The following CCDC180 variants were observed in gnomAD, a reference collection of about 807,000 sequenced individuals.
CCDC180 encodes the protein coiled-coil domain-containing protein 180.
In CCDC180, 154 loss-of-function variants were observed where a neutral mutation model predicts 209.2. The observed-to-expected ratio is 0.74, with a 90% CI of 0.65 to 0.84. The LOEUF is 0.84. Ranked by LOEUF, CCDC180 falls within the 40% of genes least tolerant of loss-of-function variation. The pLI, the probability that CCDC180 is intolerant of heterozygous loss-of-function variation, is 0.00. For missense variants in CCDC180, 1,874 were observed against 1,997.3 expected (o/e 0.94, Z 1.18); for synonymous variants, 778 against 749.1 (o/e 1.04, Z -0.63).
rs1011535267 is a variant in CCDC180, at chr9:97,350,303, C to T, written c.2856-106C>T. ...TCCCCAGGCTGGTCATTATCGTGAC[C>T]GGCCCCTCCCTTGTCCCTCAGGCTG... On this transcript the variant is annotated intron_variant, in intron 21 of 36. Transcript: ENST00000529487. The T allele has an allele frequency of 3.2e-5, 36 of 1,124,024 alleles. No individual in the cohort carries two copies. The African/African-American group carries it at 4.0e-4, about 13-fold the overall frequency. The allele number at this position is 1,124,024 out of a possible 1,614,324, so 69.6% of individuals were successfully genotyped here. A position where few individuals can be genotyped will look rare whatever the true frequency, so the allele number is the denominator to read the frequency against.
At position 97,343,415 on chromosome 9, in the gene CCDC180, A is replaced by G; in HGVS notation, c.2350A>G (p.Thr784Ala). The change falls in exon 19 of 37, where the codon ACT becomes GCT. Residue 784 changes from threonine (T) to alanine (A), a missense_variant. Coordinates refer to ENST00000529487, the MANE Select transcript of CCDC180 (RefSeq NM_020893.6). ...MESFTISSGN[T>A]YFVFVPLEEE... ...GTCCTTCACAATCTCCAGTGGAAAC[A>G]CTTATTTTGTCTTTGTACCCCTGGA... 1 of 1,614,044 alleles carries G rather than the reference A, an allele frequency of 6.2e-7. No individual in the cohort carries two copies. The highest frequency in any genetic ancestry group is 8.5e-7 in the Non-Finnish European group (1 of 1,179,868).
chr9:97,323,807 C>T lies in CCDC180; in HGVS notation c.1275C>T (p.Phe425=). Reference sequence around the variant, plus strand: ...AGCAGCTGCTGGACTGGAAAGCCTTCACTGAGGAGGAGGCAGAGACCCTGG... The same window carrying T: ...AGCAGCTGCTGGACTGGAAAGCCTTTACTGAGGAGGAGGCAGAGACCCTGG... ...CKKQLLDWKA[F]TEEEAETLVN... Residue 425 remains phenylalanine (F), a synonymous_variant, in exon 13 of 37, where the codon TTC becomes TTT. Coordinates refer to ENST00000529487, the MANE Select transcript of CCDC180 (RefSeq NM_020893.6). 1 of 1,558,468 alleles carries T rather than the reference C, an allele frequency of 6.4e-7. No homozygotes were observed. The highest frequency in any genetic ancestry group is 1.4e-5 in the African/African-American group (1 of 73,586).
chr9:97,309,680 C>G lies in CCDC180; in HGVS notation c.260+76C>G. 3 of 1,216,690 alleles carry G rather than the reference C, an allele frequency of 2.5e-6. No individual in the cohort carries two copies. The South Asian group carries it at 5.2e-5, about 21-fold the overall frequency. The allele number at this position is 1,216,690 out of a possible 1,614,324, so 75.4% of individuals were successfully genotyped here. On this transcript the variant is annotated intron_variant, in intron 3 of 36. Coordinates refer to ENST00000529487, the MANE Select transcript of CCDC180 (RefSeq NM_020893.6). ...TTCAAAAACTCAAAAAGAGCCAGCA[C>G]AAGATGAGTAGCCTGTAGGAATGAA... is the stretch of plus-strand genomic sequence containing the variant.
rs995910758 is a variant in CCDC180, at chr9:97,349,155, G to T, written c.2719G>T (p.Gly907Trp). The change falls in exon 21 of 37, where the codon GGG (glycine) becomes TGG (tryptophan). Residue 907 changes from glycine (G) to tryptophan (W), a missense_variant. Transcript: ENST00000529487. ...AGAGCAGTTGGACAGCCACTGTGCT[G>T]GGGTGACCGAGACGCTGAAGAAGAA... is the stretch of plus-strand genomic sequence containing the variant. Reference protein sequence around the residue: ...HQEQLDSHCAGVTETLKKKRL... With the variant: ...HQEQLDSHCAWVTETLKKKRL... 1 of 1,536,268 alleles carries T rather than the reference G, an allele frequency of 6.5e-7. No homozygotes were observed. The highest frequency in any genetic ancestry group is 2.0e-5 in the Admixed American group (1 of 51,004).
chr9:97,325,002 G>A lies in CCDC180; in HGVS notation c.1372-17G>A, dbSNP rs1380229410. 1 of 1,610,246 alleles carries A rather than the reference G, an allele frequency of 6.2e-7. No individual in the cohort carries two copies. The highest frequency in any genetic ancestry group is 1.1e-5 in the South Asian group (1 of 90,264). On this transcript the variant is annotated splice_polypyrimidine_tract_variant and intron_variant, in intron 13 of 36. Transcript: ENST00000529487. ...CTGTCAGCCCTTAAGTCCCTTCTCT[G>A]GGCTCTGCCACTGCAGAAATCCTTC...
chr9:97,324,302 C>A (rs1057497929), intron 13 of CCDC180, among the ~76,000 whole-genome samples: 3 of 152,216 alleles, frequency 2.0e-5, no homozygotes, highest in African/African-American at 7.2e-5. Flanking sequence ...TCTGACGCAC[C>A]TTGTCAGCTC....
Position 97,366,427 on chromosome 9 carries a change from G to T in CCDC180, c.4048-132G>T. 2 of 886,668 alleles carry T rather than the reference G, an allele frequency of 2.3e-6. No homozygotes were observed. The highest frequency in any genetic ancestry group is 3.4e-6 in the Non-Finnish European group (2 of 586,204). 54.9% of individuals were successfully genotyped at this position (886,668 alleles called of 1,614,324 possible). On this transcript the variant is annotated intron_variant, in intron 30 of 36. Coordinates refer to ENST00000529487, the MANE Select transcript of CCDC180 (RefSeq NM_020893.6). The surrounding 1 kb of genome is among the most constrained non-coding windows in gnomAD (Gnocchi z 4.3). The stretch of plus-strand genomic sequence containing the variant: ...GACAGGGAAGGAGGAGTGTCTGCTC[G>T]TGTCACTTCCACAGGGGATGCCACG...
intron 22 of CCDC180, among the ~76,000 whole-genome samples, chr9:97,353,542 T>C (rs926277889): frequency 6.6e-6 from 1 of 152,192 alleles, no homozygotes; most frequent in Non-Finnish European, 1.5e-5. Flanking sequence ...TCATTTTCCT[T>C]GGGACTTTAT....
At chr9:97,321,878 G>A (rs556792489) in intron 11 of CCDC180, among the ~76,000 whole-genome samples, 3 of 152,306 alleles carry the variant, frequency 2.0e-5, no homozygotes, top group Admixed American at 6.5e-5. Context: ...ACAGTGTACA[G>A]GGCCCCGGAG....
intron 18 of CCDC180, among the ~76,000 whole-genome samples, chr9:97,334,665 AT>A (rs576943303): frequency 6.6e-6 from 1 of 152,066 alleles, no homozygotes; most frequent in African/African-American, 2.4e-5. Context: ...TATATAGGCT[AT>A]TTTTTCCCAC....
chr9:97,361,763 T>A lies in CCDC180; in HGVS notation c.3521T>A (p.Ile1174Asn), dbSNP rs757966532. The A allele has an allele frequency of 6.2e-7, 1 of 1,614,118 alleles. No homozygotes were observed. ...ILKDQEEDSD[I>N]LTSSEALEEE... ...AAGGACCAGGAGGAAGACAGTGACATCCTGACATCTTCAGAAGCCCTTGAA... is the reference window on the plus strand; with the variant it reads ...AAGGACCAGGAGGAAGACAGTGACAACCTGACATCTTCAGAAGCCCTTGAA... Residue 1174 changes from isoleucine to asparagine, a missense_variant, in exon 27 of 37, where the codon ATC (isoleucine) becomes AAC (asparagine). By Grantham distance (149) the Ile-to-Asn change is moderately radical. Coordinates refer to ENST00000529487, the MANE Select transcript of CCDC180 (RefSeq NM_020893.6).
Position 97,377,115 on chromosome 9 carries a change from T to C in CCDC180, c.*221T>C, listed in dbSNP as rs1177138041. On this transcript the variant is annotated 3_prime_UTR_variant, in exon 37 of 37. Transcript: ENST00000529487. ...GCAAGCATGAAAGGGGAATTCCACG[T>C]GGTTAGCAGGGAGGGTGAGTACCAG... The C allele has an allele frequency of 2.6e-6, 1 of 380,540 alleles. No homozygotes were observed. The highest frequency in any genetic ancestry group is 4.7e-6 in the Non-Finnish European group (1 of 212,616). The allele number at this position is 380,540 out of a possible 1,614,324, so 23.6% of individuals were successfully genotyped here. A position where few individuals can be genotyped will look rare whatever the true frequency, so the allele number is the denominator to read the frequency against.
intron 18 of CCDC180, among the ~76,000 whole-genome samples, chr9:97,340,586 A>G (rs1473667247): frequency 1.3e-5 from 2 of 152,226 alleles, no homozygotes; most frequent in African/African-American, 4.8e-5. Context: ...ACCAGGCCAT[A>G]CAGAGATAGG....
In CCDC180 at chr9:97,350,499, G is replaced by A; in HGVS notation, c.2946G>A (p.Leu982=). ...QVSLRSFRQY[L]EESLGKLRYS... ...CCCTGCGCAGCTTCCGGCAGTACTTGGAGGAGAGTCTGGGCAAACTCCGCT... is the reference window on the plus strand; with the variant it reads ...CCCTGCGCAGCTTCCGGCAGTACTTAGAGGAGAGTCTGGGCAAACTCCGCT... The change falls in exon 22 of 37, where the codon TTG becomes TTA. Residue 982 remains leucine (L), a synonymous_variant. Coordinates refer to ENST00000529487, the MANE Select transcript of CCDC180 (RefSeq NM_020893.6). 1 of 1,536,474 alleles carries A rather than the reference G, an allele frequency of 6.5e-7. No homozygotes were observed.
At position 97,370,058 on chromosome 9, in the gene CCDC180, G is replaced by C. The variant is rs764200019; in HGVS notation, c.4326G>C (p.Gln1442His). ...AGATCCGAGGACAGTTCGAGGAACA[G>C]CAGAAGCGGCTGGAGAAAAGAAAGG... ...VKEIRGQFEE[Q>H]QKRLEKRKDK... Residue 1442 changes from glutamine to histidine, a missense_variant, in exon 32 of 37, where the codon CAG (glutamine) becomes CAC (histidine). Transcript: ENST00000529487. 1 of 1,614,116 alleles carries C rather than the reference G, an allele frequency of 6.2e-7. No individual in the cohort carries two copies. Among genetic ancestry groups the C allele is most frequent in the Admixed American group, 1.7e-5 (1 of 60,020 alleles).
intron 22 of CCDC180, among the ~76,000 whole-genome samples, 196 bp downstream of exon 22, chr9:97,350,751 C>G (rs563228781): frequency 6.6e-6 from 1 of 152,314 alleles, no homozygotes; most frequent in East Asian, 1.9e-4. Flanking sequence ...CCACTGGTCA[C>G]CAGAACTTTT....
intron 28 of CCDC180, among the ~76,000 whole-genome samples, chr9:97,362,953 G>A (rs1826807903): frequency 6.6e-6 from 1 of 152,204 alleles, no homozygotes; most frequent in South Asian, 2.1e-4. Context: ...TGCGTGCTGT[G>A]TGCAATGGGG....
chr9:97,350,413 G>A lies in CCDC180; in HGVS notation c.2860G>A (p.Val954Ile). ...FLNATRSQKL[V>I]TLSNTLHQEL... ...TTCCTCCTCTGTCTCCCACAGGCTGGTCACTCTCAGCAACACACTGCACCA... is the reference window on the plus strand; with the variant it reads ...TTCCTCCTCTGTCTCCCACAGGCTGATCACTCTCAGCAACACACTGCACCA... The change falls in exon 22 of 37, where the codon GTC becomes ATC. Residue 954 changes from valine (V) to isoleucine (I), a missense_variant. Physicochemically the swap from Val to Ile is conservative, Grantham distance 29. Transcript: ENST00000529487. 6.5e-7 allele frequency: 1 copy of A among 1,535,252 alleles called. No homozygotes were observed. Among genetic ancestry groups the A allele is most frequent in the Non-Finnish European group, 8.7e-7 (1 of 1,146,926 alleles).
At chr9:97,325,293 G>C in intron 14 of CCDC180, 101 bp downstream of exon 14, 1 of 1,274,854 alleles carries the variant, frequency 7.8e-7, no homozygotes. Flanking sequence ...TGAAATTTGT[G>C]CAGATGGGGA....
Sources: allele counts gnomAD v4.1 joint callset (sites outside exome capture counted in the v4.1 genomes callset), GRCh38; gene constraint gnomAD v4.1.1; non-coding constraint Gnocchi (gnomAD v3.1); transcripts MANE v1.5; gene names NCBI Gene and HGNC (gene_info 2026-07-23, HGNC 2026-07-21).